Variants in CREB3L2 observed in about 807,000 individuals in gnomAD.
The protein encoded by CREB3L2 is cyclic AMP-responsive element-binding protein 3-like protein 2.
A neutral mutation model predicts 57.2 loss-of-function variants in CREB3L2; 23 were observed. That is an observed-to-expected ratio of 0.40 (90% CI 0.29 to 0.57). CREB3L2 has a LOEUF of 0.57. Ranked by LOEUF, CREB3L2 falls within the 20% of genes least tolerant of loss-of-function variation. The pLI is 0.42. For synonymous variants in CREB3L2, 268 were observed against 265.1 expected (o/e 1.01, Z -0.11); for missense variants, 628 against 634.7 (o/e 0.99, Z 0.11).
At chr7:137,960,443 A>G (rs201218730) in intron 1 of CREB3L2, among the ~76,000 whole-genome samples, 1 of 152,308 alleles carries the variant, frequency 6.6e-6, no homozygotes, top group African/African-American at 2.4e-5. Flanking sequence ...GGAGAGAGAA[A>G]ATAAAAGAAA....
chr7:137,922,508 AAT>A (rs1204947193), intron 2 of CREB3L2: 316 of 244,106 alleles, frequency 1.3e-3, no homozygotes, highest in South Asian at 2.3e-3. Flanking sequence ...ACACACACAC[AAT>A]ATATATATAT....
At position 138,001,741 on chromosome 7, in the gene CREB3L2, C is replaced by G; in HGVS notation, c.-36G>C. Reference sequence around the variant, plus strand: ...GCCGCGCTGGGCCGAGGATGCTAAGCGCAGGAGGGGACGCGCAGAGCTGCC... The same window carrying G: ...GCCGCGCTGGGCCGAGGATGCTAAGGGCAGGAGGGGACGCGCAGAGCTGCC... On this transcript the variant is annotated 5_prime_UTR_variant, in exon 1 of 12. Transcript: ENST00000330387. The surrounding 1 kb of genome is among the most constrained non-coding windows in gnomAD (Gnocchi z 4.2). The G allele has an allele frequency of 6.6e-7, 1 of 1,504,358 alleles. No homozygotes were observed. The highest frequency in any genetic ancestry group is 9.0e-7 in the Non-Finnish European group (1 of 1,109,410). 93.2% of individuals were successfully genotyped at this position (1,504,358 alleles called of 1,614,324 possible).
chr7:137,909,452 G>A (rs973033919), intron 4 of CREB3L2, among the ~76,000 whole-genome samples: 1 of 152,142 alleles, frequency 6.6e-6, no homozygotes, highest in Non-Finnish European at 1.5e-5. Context: ...TGTTCTTTCT[G>A]AACAGTGCAC....
In CREB3L2 at chr7:137,912,987, A is replaced by G. The variant is rs752420364; in HGVS notation, c.583+4T>C. The G allele has an allele frequency of 6.2e-7, 1 of 1,613,720 alleles. No homozygotes were observed. The highest frequency in any genetic ancestry group is 1.1e-5 in the South Asian group (1 of 91,036). ...CCAAAGGGACACAGGGAGGGCAGAC[A>G]GACCTTCTTTAGGAGAGAAGTTTAG... On this transcript the variant is annotated splice_donor_region_variant and intron_variant, in intron 4 of 11. Coordinates refer to ENST00000330387, the MANE Select transcript of CREB3L2 (RefSeq NM_194071.4).
chr7:137,949,853 TC>T, intron 1 of CREB3L2, among the ~76,000 whole-genome samples: 1 of 152,200 alleles, frequency 6.6e-6, no homozygotes, highest in Non-Finnish European at 1.5e-5. Context: ...AGTGATCAAC[TC>T]CAGGCCGAGT....
intron 11 of CREB3L2, among the ~76,000 whole-genome samples, chr7:137,881,072 T>C (rs371935891): frequency 3.3e-5 from 5 of 152,308 alleles, no homozygotes; most frequent in East Asian, 3.9e-4. Context: ...CTTTGTTATC[T>C]AGGAGACATC....
intron 1 of CREB3L2, among the ~76,000 whole-genome samples, chr7:137,984,420 T>A (rs895340322): frequency 7.9e-5 from 12 of 152,196 alleles, no homozygotes; most frequent in African/African-American, 2.9e-4. Context: ...GTCACTTTCT[T>A]CCACCAGTGA....
At chr7:137,882,699 G>A in intron 10 of CREB3L2, 71 bp from the exon 11 acceptor site, 2 of 1,092,554 alleles carry the variant, frequency 1.8e-6, no homozygotes, top group South Asian at 1.7e-5. Flanking sequence ...CTCACTCCAG[G>A]TGCTCAGGGC....
chr7:137,925,463 T>A (rs766721813), intron 2 of CREB3L2, among the ~76,000 whole-genome samples: 1 of 152,196 alleles, frequency 6.6e-6, no homozygotes, highest in Non-Finnish European at 1.5e-5. Context: ...AGATAAAGAA[T>A]ATAAAATGTA....
At chr7:137,986,246 A>G (rs1390280981) in intron 1 of CREB3L2, among the ~76,000 whole-genome samples, 1 of 152,248 alleles carries the variant, frequency 6.6e-6, no homozygotes, top group Non-Finnish European at 1.5e-5. Context: ...CTGTTCTGTT[A>G]GCTGGAGATA....
At chr7:137,944,918 A>C (rs890501584) in intron 1 of CREB3L2, among the ~76,000 whole-genome samples, 1 of 152,094 alleles carries the variant, frequency 6.6e-6, no homozygotes, top group Admixed American at 6.5e-5. Flanking sequence ...TTTGAGACAG[A>C]GTCTTGCTCT....
Position 137,876,720 on chromosome 7 carries a change from T to C in CREB3L2, c.*3756A>G. On this transcript the variant is annotated 3_prime_UTR_variant, in exon 12 of 12. Transcript: ENST00000330387. ...CACTACCTGCCCATGGCTTCACAGGTCCAGCCAGCCCAGCAAGCAGAAGTG... is the reference window on the plus strand; with the variant it reads ...CACTACCTGCCCATGGCTTCACAGGCCCAGCCAGCCCAGCAAGCAGAAGTG... 4.3e-6 allele frequency: 1 copy of C among 232,112 alleles called. No individual in the cohort carries two copies. Among genetic ancestry groups the C allele is most frequent in the Non-Finnish European group, 8.5e-6 (1 of 117,420 alleles). 14.4% of individuals were successfully genotyped at this position (232,112 alleles called of 1,614,324 possible).
chr7:137,963,357 T>C (rs922069359), intron 1 of CREB3L2, among the ~76,000 whole-genome samples: 2 of 152,252 alleles, frequency 1.3e-5, no homozygotes, highest in African/African-American at 2.4e-5. Flanking sequence ...CAGGTATTAA[T>C]GTCAAGCTTT....
intron 1 of CREB3L2, among the ~76,000 whole-genome samples, chr7:137,989,668 C>A (rs1801853604): frequency 6.6e-6 from 1 of 152,112 alleles, no homozygotes; most frequent in Non-Finnish European, 1.5e-5. Context: ...GAACTCCAGA[C>A]CCAAGTCTCC....
At chr7:137,884,739 G>C (rs1799372830) in intron 10 of CREB3L2, 2 of 605,298 alleles carry the variant, frequency 3.3e-6, no homozygotes, top group Admixed American at 5.8e-5. Context: ...ATGTCAGAAT[G>C]GATCAGGGAA....
At chr7:137,940,150 C>A (rs1177690679) in intron 1 of CREB3L2, among the ~76,000 whole-genome samples, 1 of 151,924 alleles carries the variant, frequency 6.6e-6, no homozygotes, top group Non-Finnish European at 1.5e-5. Context: ...GGTCTCTTGC[C>A]CTCTCTGCAG....
At chr7:137,946,844 CTA>C (rs1376306781) in intron 1 of CREB3L2, among the ~76,000 whole-genome samples, 5 of 28,894 alleles carry the variant, frequency 1.7e-4, no homozygotes, top group African/African-American at 5.4e-4. Context: ...ATATAGTTAT[CTA>C]TATAGTTATC....
intron 4 of CREB3L2, among the ~76,000 whole-genome samples, chr7:137,908,661 A>C (rs1258739038): frequency 1.3e-5 from 2 of 152,118 alleles, no homozygotes; most frequent in Non-Finnish European, 2.9e-5. Flanking sequence ...ACTGGAAGTG[A>C]ATACAAGAAA....
chr7:137,892,239 A>G (rs959970516), intron 8 of CREB3L2, among the ~76,000 whole-genome samples: 1 of 152,018 alleles, frequency 6.6e-6, no homozygotes, highest in African/African-American at 2.4e-5. Context: ...TGTATGATGT[A>G]TATGTACATG....
Sources: allele counts gnomAD v4.1 joint callset (sites outside exome capture counted in the v4.1 genomes callset), GRCh38; gene constraint gnomAD v4.1.1; non-coding constraint Gnocchi (gnomAD v3.1); transcripts MANE v1.5; gene names NCBI Gene and HGNC (gene_info 2026-07-23, HGNC 2026-07-21).